GNG7: variants seen among roughly 807,000 people sequenced by gnomAD.
GNG7 encodes guanine nucleotide-binding protein G(I)/G(S)/G(O) subunit gamma-7.
A neutral mutation model predicts 4.0 loss-of-function variants in GNG7; 1 was observed. The observed-to-expected ratio is 0.25, with a 90% CI of 0.09 to 1.18. The LOEUF (loss-of-function observed/expected upper bound fraction) is 1.18. GNG7 is among the 50% of genes most tolerant of loss of function. The probability of loss-of-function intolerance (pLI) is 0.50; values close to 1 mark genes in which losing one functional copy is unlikely to be tolerated. For synonymous variants in GNG7, 34 were observed against 36.9 expected (o/e 0.92, Z 0.29); for missense variants, 86 against 91.9 (o/e 0.94, Z 0.26).
chr19:2,693,071 A>G (rs1248213082), intron 1 of GNG7, among the ~76,000 whole-genome samples: 1 of 151,764 alleles, frequency 6.6e-6, no homozygotes, highest in African/African-American at 2.4e-5. Flanking sequence ...TGGGTGGATC[A>G]CTTGAGCTCA....
intron 2 of GNG7, among the ~76,000 whole-genome samples, chr19:2,582,489 AT>A (rs577054566): frequency 1.8e-4 from 27 of 148,366 alleles, no homozygotes; most frequent in East Asian, 7.9e-4. Flanking sequence ...TTAAATGACA[AT>A]TTTTTTTTTT....
At chr19:2,545,763 G>A (rs895788465) in intron 3 of GNG7, among the ~76,000 whole-genome samples, 4 of 151,312 alleles carry the variant, frequency 2.6e-5, no homozygotes, top group African/African-American at 9.7e-5. Context: ...AGACCAGCCT[G>A]GCCAACACGG....
Position 2,568,021 on chromosome 19 carries a change from A to G in GNG7, c.-77-12833T>C, listed in dbSNP as rs967621628. On this transcript the variant is annotated intron_variant, in intron 2 of 4. Transcript: ENST00000382159. ...GCCACCCAAAAACAGAGACACGGGC[A>G]TGCAAGCACACATGCACACACGTGC... 2.6e-4 allele frequency among the ~76,000 whole-genome samples: 40 copies of G among 152,184 alleles called. 1 individual carries two copies. The highest frequency in any genetic ancestry group is 1.0e-4 in the Non-Finnish European group (7 of 68,042).
intron 1 of GNG7, among the ~76,000 whole-genome samples, chr19:2,664,491 C>A (rs1354173197): frequency 6.6e-6 from 1 of 152,090 alleles, no homozygotes; most frequent in Non-Finnish European, 1.5e-5. Flanking sequence ...CTCCACTGCA[C>A]CCTGGGGCAC....
In GNG7 at chr19:2,653,625, G is replaced by A. The variant is rs972334105; in HGVS notation, c.-134-7345C>T. On this transcript the variant is annotated intron_variant, in intron 1 of 4. Transcript: ENST00000382159. The surrounding 1 kb of genome is among the most constrained non-coding windows in gnomAD (Gnocchi z 4.8). ...GGGGCCGGATCATTCTCTGGGGTGG[G>A]GCTGTCCTGGGCACTGCGGGGAGCT... Among the ~76,000 whole-genome samples, 2 of 152,172 alleles carry A rather than the reference G, an allele frequency of 1.3e-5. No homozygotes were observed. Among genetic ancestry groups the A allele is most frequent in the Non-Finnish European group, 2.9e-5 (2 of 68,016 alleles).
At chr19:2,524,840 G>C (rs57606556) in intron 3 of GNG7, among the ~76,000 whole-genome samples, 2,699 of 152,322 alleles carry the variant, frequency 0.018, 86 homozygotes, top group African/African-American at 0.062. Context: ...GTGTGTGTAC[G>C]TCACTGTAGG....
chr19:2,526,700 T>C (rs1161650289), intron 3 of GNG7, among the ~76,000 whole-genome samples: 5 of 149,854 alleles, frequency 3.3e-5, no homozygotes, highest in Non-Finnish European at 7.4e-5. Context: ...TTATTAATTA[T>C]ATAGTTTGAT....
At chr19:2,615,263 A>G (rs1462691484) in intron 2 of GNG7, among the ~76,000 whole-genome samples, 2 of 147,922 alleles carry the variant, frequency 1.4e-5, no homozygotes, top group Non-Finnish European at 3.0e-5. Flanking sequence ...CCAGGTTCCC[A>G]CCATTCAGGC....
At chr19:2,675,470 G>A (rs1465253097) in intron 1 of GNG7, among the ~76,000 whole-genome samples, 2 of 152,142 alleles carry the variant, frequency 1.3e-5, no homozygotes, top group Non-Finnish European at 1.5e-5. Flanking sequence ...GTCGCTTGAC[G>A]GTAAAGAAGC....
rs557252457 is a variant in GNG7 at position 2,571,752 on chromosome 19, C to A, written c.-77-16564G>T. Among the ~76,000 whole-genome samples the A allele has an allele frequency of 3.3e-5, 5 of 151,780 alleles. No homozygotes were observed. In the East Asian group the frequency reaches 9.7e-4, roughly 29 times the overall value. On this transcript the variant is annotated intron_variant, in intron 2 of 4. Coordinates refer to ENST00000382159, the MANE Select transcript of GNG7 (RefSeq NM_052847.3). The stretch of plus-strand genomic sequence containing the variant: ...CTGGGATTATAGGCGAGTGCCACCA[C>A]GCCTGGCTAATTTTTGTATTTTCAG...
At chr19:2,551,837 C>A (rs978365208) in intron 3 of GNG7, among the ~76,000 whole-genome samples, 14 of 152,036 alleles carry the variant, frequency 9.2e-5, no homozygotes, top group African/African-American at 2.4e-5. Flanking sequence ...GCATGCGTCA[C>A]CACGCCCGGC....
chr19:2,600,131 A>C (rs941271735), intron 2 of GNG7, among the ~76,000 whole-genome samples: 1 of 151,752 alleles, frequency 6.6e-6, no homozygotes, highest in African/African-American at 2.4e-5. Context: ...TAAGGCCCTT[A>C]AACAGCTTGT....
At chr19:2,680,736 T>G (rs1424002276) in intron 1 of GNG7, among the ~76,000 whole-genome samples, 1 of 151,862 alleles carries the variant, frequency 6.6e-6, no homozygotes, top group South Asian at 2.1e-4. Context: ...TCACCACGCC[T>G]GGCTAATTTT....
chr19:2,525,064 G>A (rs959783885), intron 3 of GNG7, among the ~76,000 whole-genome samples: 3 of 152,180 alleles, frequency 2.0e-5, no homozygotes, highest in Admixed American at 2.0e-4. Flanking sequence ...CCCCAGCAGA[G>A]GACTAAGCCA....
chr19:2,648,762 A>G (rs1369514538), intron 1 of GNG7, among the ~76,000 whole-genome samples: 1 of 152,074 alleles, frequency 6.6e-6, no homozygotes, highest in Non-Finnish European at 1.5e-5. Flanking sequence ...AGCAGGGATG[A>G]GTGATGAAAG....
Position 2,513,896 on chromosome 19 carries a change from G to C in GNG7, c.*1126C>G, listed in dbSNP as rs1245203006. The C allele has an allele frequency of 7.9e-6, 1 of 126,644 alleles. No individual in the cohort carries two copies. The highest frequency in any genetic ancestry group is 1.7e-5 in the Non-Finnish European group (1 of 59,658). 7.8% of individuals were successfully genotyped at this position (126,644 alleles called of 1,614,324 possible). On this transcript the variant is annotated 3_prime_UTR_variant, in exon 5 of 5. Coordinates refer to ENST00000382159, the MANE Select transcript of GNG7 (RefSeq NM_052847.3). Reference sequence around the variant, plus strand: ...TGGTCAAAGCCTCTCCCAGCCACGCGGATGCCTCATGCTTAAAACACACTG... The same window carrying C: ...TGGTCAAAGCCTCTCCCAGCCACGCCGATGCCTCATGCTTAAAACACACTG...
chr19:2,665,039 C>T (rs1017929876), intron 1 of GNG7, among the ~76,000 whole-genome samples: 3 of 152,038 alleles, frequency 2.0e-5, no homozygotes, highest in Non-Finnish European at 4.4e-5. Flanking sequence ...AGGCTGCACA[C>T]ATTGAAATCC....
chr19:2,633,934 T>C lies in GNG7; in HGVS notation c.-78+12290A>G, dbSNP rs376111658. 1.1e-4 allele frequency among the ~76,000 whole-genome samples: 16 copies of C among 151,748 alleles called. No homozygotes were observed. Among genetic ancestry groups the C allele is most frequent in the African/African-American group, 3.9e-4 (16 of 41,336 alleles). ...ATCCACCAATCGAGGCAGCCACAAATGTCTCCTGGGTGCAAAATTGCCCCG... is the reference window on the plus strand; with the variant it reads ...ATCCACCAATCGAGGCAGCCACAAACGTCTCCTGGGTGCAAAATTGCCCCG... On this transcript the variant is annotated intron_variant, in intron 2 of 4. Transcript: ENST00000382159. The surrounding 1 kb of genome is among the most constrained non-coding windows in gnomAD (Gnocchi z 5.9).
chr19:2,578,599 G>A lies in GNG7; in HGVS notation c.-77-23411C>T, dbSNP rs1980411178. Among the ~76,000 whole-genome samples, 2 of 152,200 alleles carry A rather than the reference G, an allele frequency of 1.3e-5. 1 individual carries two copies. The highest frequency in any genetic ancestry group is 4.1e-4 in the South Asian group (2 of 4,824). On this transcript the variant is annotated intron_variant, in intron 2 of 4. Transcript: ENST00000382159. Reference sequence around the variant, plus strand: ...TTTCATCGCTAACCAGGCCGGAGAAGCTGGGCAGAAAAGCACCTGTTTGCA... The same window carrying A: ...TTTCATCGCTAACCAGGCCGGAGAAACTGGGCAGAAAAGCACCTGTTTGCA...
Sources: gnomAD v4.1 joint callset for allele counts (sites outside exome capture counted in the v4.1 genomes callset) on GRCh38, gnomAD v4.1.1 for gene constraint, Gnocchi (gnomAD v3.1) non-coding constraint, MANE v1.5 for transcripts, NCBI Gene and HGNC (gene_info 2026-07-23, HGNC 2026-07-21) for gene names.